The following HTT variants were observed in gnomAD, a reference collection of about 807,000 sequenced individuals.
HTT encodes huntington disease protein.
Under a neutral mutation model 362.3 loss-of-function variants are expected in HTT, and 104 were observed. The ratio of observed to expected loss-of-function variants is 0.29; its 90% CI spans 0.24 to 0.34. The LOEUF (loss-of-function observed/expected upper bound fraction) is 0.34. HTT is among the 10% of genes least tolerant of loss of function. The pLI is 1.00. For missense variants in HTT, 3,301 were observed against 3,928.6 expected, an observed-to-expected ratio of 0.84 and a Z score of 4.27; for synonymous variants, 1,577 against 1,548.7, an observed-to-expected ratio of 1.02 and a Z score of -0.43.
At chr4:3,166,343 G>A (rs1364514567) in intron 29 of HTT, among the ~76,000 whole-genome samples, 1 of 152,202 alleles carries the variant, frequency 6.6e-6, no homozygotes, top group Non-Finnish European at 1.5e-5. Flanking sequence ...GGCCCCTACT[G>A]GGAGGTGTCT....
At chr4:3,198,928 AG>A (rs1215632234) in intron 40 of HTT, among the ~76,000 whole-genome samples, 1 of 152,292 alleles carries the variant, frequency 6.6e-6, no homozygotes, top group East Asian at 1.9e-4. Flanking sequence ...CCTGGACCGC[AG>A]GGGGGTCCTG....
At position 3,187,657 on chromosome 4, in the gene HTT, G is replaced by A. The variant is rs1004472836; in HGVS notation, c.4996G>A (p.Val1666Met). The A allele has an allele frequency of 3.7e-6, 6 of 1,612,528 alleles. No homozygotes were observed. The highest frequency in any genetic ancestry group is 1.1e-5 in the South Asian group (1 of 91,044). Residue 1666 changes from valine to methionine, a missense_variant, in exon 39 of 67, where the codon GTG becomes ATG. This residue lies in a region of HTT where 2,316 missense variants were observed against 2,658.5 expected (regional missense o/e 0.87). Coordinates refer to ENST00000355072, the MANE Select transcript of HTT (RefSeq NM_001388492.1). ...TGTATTATGTTTATTTTAGGCGTCC[G>A]TGAGCACTGTTCAACTGTGGATATC... Reference protein sequence around the residue: ...MFVTPNTMASVSTVQLWISGI... With the variant: ...MFVTPNTMASMSTVQLWISGI...
intron 9 of HTT, among the ~76,000 whole-genome samples, chr4:3,122,342 C>T (rs1715333791): frequency 6.6e-6 from 1 of 152,242 alleles, no homozygotes; most frequent in African/African-American, 2.4e-5. Context: ...TCCTAAGCCA[C>T]TGCAACGTGG....
intron 4 of HTT, 49 bp from the exon 5 acceptor site, chr4:3,105,308 T>G (rs1405054405): frequency 8.2e-7 from 1 of 1,217,400 alleles, no homozygotes; most frequent in South Asian, 1.2e-5. Context: ...GCAACCCTCT[T>G]GGTGACTAGT....
chr4:3,142,306 T>G (rs1250286425), intron 22 of HTT, among the ~76,000 whole-genome samples: 1 of 152,244 alleles, frequency 6.6e-6, no homozygotes, highest in Admixed American at 6.5e-5. Flanking sequence ...GGTATTATAA[T>G]TCATTTATAA....
chr4:3,154,615 A>G (rs1199273875), intron 27 of HTT, among the ~76,000 whole-genome samples, 196 bp downstream of exon 27: 3 of 152,250 alleles, frequency 2.0e-5, no homozygotes, highest in African/African-American at 4.8e-5. Flanking sequence ...GGTCTGAAGC[A>G]TTTCTAAGTG....
chr4:3,075,560 C>T (rs919591551), intron 1 of HTT, among the ~76,000 whole-genome samples: 1 of 145,282 alleles, frequency 6.9e-6, no homozygotes, highest in Admixed American at 7.2e-5. Context: ...CGGGACACTT[C>T]GAGAGGAGGC....
intron 40 of HTT, among the ~76,000 whole-genome samples, chr4:3,194,039 G>C (rs1719137703): frequency 6.6e-6 from 1 of 152,226 alleles, no homozygotes; most frequent in Admixed American, 6.5e-5. Context: ...TTGGTTTCAA[G>C]ATAAGAGTTG....
At chr4:3,132,192 C>CT (rs1223952176) in intron 16 of HTT, among the ~76,000 whole-genome samples, 2 of 152,130 alleles carry the variant, frequency 1.3e-5, no homozygotes, top group Admixed American at 6.5e-5. Context: ...CTCGTTCTCT[C>CT]TTTTTCTTTG....
intron 42 of HTT, among the ~76,000 whole-genome samples, chr4:3,204,536 T>A (rs549559430): frequency 4.9e-4 from 74 of 152,288 alleles, no homozygotes; most frequent in African/African-American, 1.4e-3. Context: ...TAAATTTTTT[T>A]AAAAATTAAT....
rs986497526 is a variant in HTT at position 3,198,924 on chromosome 4, C to T, written c.5369-808C>T. 2.0e-5 allele frequency among the ~76,000 whole-genome samples: 3 copies of T among 152,352 alleles called. No individual in the cohort carries two copies. The Middle Eastern group carries it at 0.01, about 518-fold the overall frequency. On this transcript the variant is annotated intron_variant, in intron 40 of 66. Coordinates refer to ENST00000355072, the MANE Select transcript of HTT (RefSeq NM_001388492.1). The stretch of plus-strand genomic sequence containing the variant: ...CTGCAGAGGGCACACAGAGCCTGGA[C>T]CGCAGGGGGGTCCTGCTTTCTCACC...
chr4:3,180,512 C>T lies in HTT; in HGVS notation c.4613-3C>T, dbSNP rs1376049368. On this transcript the variant is annotated splice_polypyrimidine_tract_variant and splice_region_variant and intron_variant, in intron 35 of 66. Transcript: ENST00000355072. ...TGATAAGGGTACCCTTTTGTCCCCA[C>T]AGCCATACCGGCTCTGCAGCCCATA... The T allele has an allele frequency of 2.5e-6, 4 of 1,593,714 alleles. No individual in the cohort carries two copies. The highest frequency in any genetic ancestry group is 3.4e-6 in the Non-Finnish European group (4 of 1,170,614).
chr4:3,130,552 C>G lies in HTT; in HGVS notation c.1986+129C>G, dbSNP rs968012240. 11 of 591,750 alleles carry G rather than the reference C, an allele frequency of 1.9e-5. No homozygotes were observed. The African/African-American group carries it at 2.1e-4, about 11-fold the overall frequency. 36.7% of individuals were successfully genotyped at this position (591,750 alleles called of 1,614,324 possible). ...TTTAAATTTCCCCTTTAAATACCAG[C>G]TCTTCCCAGGCCTGTTGTTTTCTGC... On this transcript the variant is annotated intron_variant, in intron 14 of 66. Transcript: ENST00000355072.
intron 3 of HTT, among the ~76,000 whole-genome samples, chr4:3,100,277 T>G (rs1260653818): frequency 1.3e-5 from 2 of 152,332 alleles, no homozygotes; most frequent in African/African-American, 4.8e-5. Flanking sequence ...CACTACTGGA[T>G]CCTCAAAGTG....
intron 35 of HTT, among the ~76,000 whole-genome samples, chr4:3,179,211 G>C (rs1366740076): frequency 6.6e-6 from 1 of 152,122 alleles, no homozygotes; most frequent in Non-Finnish European, 1.5e-5. Flanking sequence ...TGCGAGGCAG[G>C]GCCTTGGCTG....
chr4:3,234,727 C>T (rs1578616204), intron 61 of HTT, among the ~76,000 whole-genome samples: 1 of 152,280 alleles, frequency 6.6e-6, no homozygotes, highest in South Asian at 2.1e-4. Context: ...GAGGTGGGAC[C>T]ACGTGGTGAC....
chr4:3,215,262 A>C (rs1720343570), intron 51 of HTT, 51 bp downstream of exon 51: 1 of 1,399,370 alleles, frequency 7.1e-7, no homozygotes, highest in Non-Finnish European at 1.0e-6. Flanking sequence ...CCAGGACTTA[A>C]AAATCATTCA....
Position 3,225,733 on chromosome 4 carries a change from A to G in HTT, c.7838A>G (p.Lys2613Arg). Reference sequence around the variant, plus strand: ...CGGGAGCTGGGGAGCATGAGCTACAAACTCGGCCAGGTCAGTCTCGCGCCC... The same window carrying G: ...CGGGAGCTGGGGAGCATGAGCTACAGACTCGGCCAGGTCAGTCTCGCGCCC... ...PERELGSMSY[K>R]LGQVSIHSVW... Residue 2613 changes from lysine (K) to arginine (R), a missense_variant, in exon 57 of 67, where the codon AAA becomes AGA. Transcript: ENST00000355072. The G allele has an allele frequency of 6.2e-7, 1 of 1,613,998 alleles. No homozygotes were observed.
At chr4:3,088,013 G>C (rs113467868) in intron 2 of HTT, among the ~76,000 whole-genome samples, 1,725 of 151,644 alleles carry the variant, frequency 0.011, 35 homozygotes, top group African/African-American at 0.04. Flanking sequence ...ACTGTGCCCA[G>C]CTAATTTTGT....
Sources: gnomAD v4.1 joint callset for allele counts (sites outside exome capture counted in the v4.1 genomes callset) on GRCh38, gnomAD v4.1.1 for gene constraint, gnomAD v4.1.1 regional missense constraint, MANE v1.5 for transcripts, NCBI Gene and HGNC (gene_info 2026-07-23, HGNC 2026-07-21) for gene names.